The following SLC10A6 variants were observed in gnomAD, a reference collection of about 807,000 sequenced individuals.
The protein encoded by SLC10A6 is sodium-dependent organic anion transporter.
A neutral mutation model predicts 30.0 loss-of-function variants in SLC10A6; 27 were observed. The observed-to-expected ratio is 0.90, with a 90% CI of 0.66 to 1.24. SLC10A6 has a LOEUF of 1.24. Ranked by LOEUF, SLC10A6 falls within the 50% of genes most tolerant of loss-of-function variation. SLC10A6 has a pLI of 0.00. For missense variants in SLC10A6, 439 were observed against 457.0 expected (o/e 0.96, Z 0.36); for synonymous variants, 166 against 173.8 (o/e 0.95, Z 0.36).
chr4:86,841,956 T>A (rs1341898231), intron 1 of SLC10A6, among the ~76,000 whole-genome samples: 1 of 152,198 alleles, frequency 6.6e-6, no homozygotes, highest in Non-Finnish European at 1.5e-5. Context: ...CCAATAATAA[T>A]GAGTATTTAT....
intron 1 of SLC10A6, among the ~76,000 whole-genome samples, chr4:86,848,027 G>A (rs1746421651): frequency 6.6e-6 from 1 of 152,054 alleles, no homozygotes; most frequent in South Asian, 2.1e-4. Context: ...TGTAAATAAG[G>A]GACAAGGCTT....
At chr4:86,826,868 A>T (rs1348070508) in intron 4 of SLC10A6, among the ~76,000 whole-genome samples, 2 of 152,188 alleles carry the variant, frequency 1.3e-5, no homozygotes, top group Non-Finnish European at 2.9e-5. Context: ...TGTTTCAGAA[A>T]ACAAACAAGC....
At chr4:86,842,847 T>TTTCTTTCTTTCTTTCTTTCG (rs1746322984) in intron 1 of SLC10A6, among the ~76,000 whole-genome samples, 4 of 53,816 alleles carry the variant, frequency 7.4e-5, no homozygotes, top group African/African-American at 1.4e-4. Context: ...TCTTTCTTTC[T>TTTCTTTCTTTCTTTCTTTCG]TTCTTTCTTT....
chr4:86,831,905 A>G (rs1746087826), intron 2 of SLC10A6, 25 bp from the exon 3 acceptor site: 1 of 1,592,028 alleles, frequency 6.3e-7, no homozygotes, highest in South Asian at 1.1e-5. Flanking sequence ...AATCCATGAG[A>G]GGGTTTTCCC....
rs1278895537 is a variant in SLC10A6, at chr4:86,848,979, A to T, written c.137T>A (p.Met46Lys). The T allele has an allele frequency of 9.3e-6, 15 of 1,614,172 alleles. No homozygotes were observed. The highest frequency in any genetic ancestry group is 1.3e-5 in the Non-Finnish European group (15 of 1,180,032). ...CTCCACGGAACATCCCAAAGAGAAC[A>T]TGAGCAGCCCCATCATCACAGTGGA... ...VVSTVMMGLL[M>K]FSLGCSVEIR... is the part of the protein sequence containing the mutation. Residue 46 changes from methionine to lysine, a missense_variant, in exon 1 of 6, where the codon ATG (methionine) becomes AAG (lysine). By Grantham distance (95) the Met-to-Lys change is moderately conservative. Coordinates refer to ENST00000273905, the MANE Select transcript of SLC10A6 (RefSeq NM_197965.3).
chr4:86,845,099 A>T (rs557396115), intron 1 of SLC10A6, among the ~76,000 whole-genome samples: 1 of 152,270 alleles, frequency 6.6e-6, no homozygotes, highest in African/African-American at 2.4e-5. Flanking sequence ...TCTACATTTA[A>T]CCAACCCCAA....
At chr4:86,829,741 GT>G (rs771242691) in intron 3 of SLC10A6, among the ~76,000 whole-genome samples, 3,409 of 145,440 alleles carry the variant, frequency 0.023, 56 homozygotes, top group Non-Finnish European at 0.035. Context: ...CATTAGCCTA[GT>G]TTTTTTTTTT....
intron 1 of SLC10A6, among the ~76,000 whole-genome samples, chr4:86,846,649 C>G (rs1255322452): frequency 1.3e-5 from 2 of 152,124 alleles, no homozygotes; most frequent in African/African-American, 4.8e-5. Context: ...TCACTTGAAC[C>G]CAGGAGGTGG....
intron 1 of SLC10A6, among the ~76,000 whole-genome samples, chr4:86,837,327 A>AAGGG (rs1259167280): frequency 7.6e-6 from 1 of 131,712 alleles, no homozygotes; most frequent in African/African-American, 3.0e-5. Flanking sequence ...GGAAGGAAGG[A>AAGGG]AGGAAGGAAG....
chr4:86,842,846 CTTT>C lies in SLC10A6; in HGVS notation c.377+5890_377+5892del, dbSNP rs1560461865. ...TCTTTCTTTCTTTCTTTCTTTCTTT[CTTT>C]CTTTCTTTCTTTCTTTCTTTCTTTC... On this transcript the variant is annotated intron_variant, in intron 1 of 5. Coordinates refer to ENST00000273905, the MANE Select transcript of SLC10A6 (RefSeq NM_197965.3). Among the ~76,000 whole-genome samples the C allele has an allele frequency of 8.3e-4, 31 of 37,280 alleles. 1 individual carries two copies. The highest frequency in any genetic ancestry group is 4.7e-3 in the East Asian group (10 of 2,150). The allele number at this position is 37,280 out of a possible 152,430, so 24.5% of individuals were successfully genotyped here.
At chr4:86,834,049 C>T (rs1221022436) in intron 1 of SLC10A6, among the ~76,000 whole-genome samples, 1 of 152,118 alleles carries the variant, frequency 6.6e-6, no homozygotes, top group Non-Finnish European at 1.5e-5. Context: ...TTGTCCTCTC[C>T]AACTCTCATG....
At chr4:86,841,070 C>T (rs2149413263) in intron 1 of SLC10A6, among the ~76,000 whole-genome samples, 1 of 152,320 alleles carries the variant, frequency 6.6e-6, no homozygotes, top group African/African-American at 2.4e-5. Flanking sequence ...TTCCTTGACT[C>T]TCCATATTAC....
At chr4:86,844,710 C>T (rs570975565) in intron 1 of SLC10A6, among the ~76,000 whole-genome samples, 5 of 152,266 alleles carry the variant, frequency 3.3e-5, no homozygotes, top group African/African-American at 9.6e-5. Flanking sequence ...CTGCATTAGT[C>T]CATTTTCACA....
At chr4:86,824,085 G>A (rs1745933842) in intron 5 of SLC10A6, among the ~76,000 whole-genome samples, 183 bp from the exon 6 acceptor site, 1 of 152,204 alleles carries the variant, frequency 6.6e-6, no homozygotes, top group Non-Finnish European at 1.5e-5. Context: ...GTATCAGAAT[G>A]GCTCTTTTGT....
chr4:86,834,825 C>T (rs182372429), intron 1 of SLC10A6, among the ~76,000 whole-genome samples: 181 of 152,142 alleles, frequency 1.2e-3, no homozygotes, highest in African/African-American at 4.0e-3. Context: ...TCAGGAAGTT[C>T]GCAATCATGG....
intron 1 of SLC10A6, among the ~76,000 whole-genome samples, chr4:86,838,936 A>G (rs1746247093): frequency 7.0e-6 from 1 of 143,320 alleles, no homozygotes; most frequent in African/African-American, 2.6e-5. Flanking sequence ...AAAAAAAAAA[A>G]TTATGCTCTT....
chr4:86,849,252 G>T lies in SLC10A6; in HGVS notation c.-137C>A. 9.7e-7 allele frequency: 1 copy of T among 1,028,344 alleles called. No homozygotes were observed. 63.7% of individuals were successfully genotyped at this position (1,028,344 alleles called of 1,614,324 possible). On this transcript the variant is annotated 5_prime_UTR_variant, in exon 1 of 6. Transcript: ENST00000273905. The stretch of plus-strand genomic sequence containing the variant: ...TCCAATAACTGTTGGCCAGCAAGGT[G>T]ATTCATCCTAATCTGATCAATTTTT...
chr4:86,824,951 A>G (rs1208733198), intron 5 of SLC10A6, among the ~76,000 whole-genome samples: 1 of 152,256 alleles, frequency 6.6e-6, no homozygotes, highest in Non-Finnish European at 1.5e-5. Context: ...ATATTTGTAT[A>G]TGTGTAATAT....
Position 86,823,632 on chromosome 4 carries a change from A to G in SLC10A6, c.*56T>C, listed in dbSNP as rs918251023. The G allele has an allele frequency of 7.1e-7, 1 of 1,403,786 alleles. No individual in the cohort carries two copies. Among genetic ancestry groups the G allele is most frequent in the Non-Finnish European group, 9.7e-7 (1 of 1,033,924 alleles). The allele number at this position is 1,403,786 out of a possible 1,614,324, so 87.0% of individuals were successfully genotyped here. Reference sequence around the variant, plus strand: ...AACAAGATTCATGTGTCAGCTGCACACTGTCTTTACTGGCCACTGAAAAAG... The same window carrying G: ...AACAAGATTCATGTGTCAGCTGCACGCTGTCTTTACTGGCCACTGAAAAAG... On this transcript the variant is annotated 3_prime_UTR_variant, in exon 6 of 6. Transcript: ENST00000273905.
Sources: gnomAD v4.1 joint callset for allele counts (sites outside exome capture counted in the v4.1 genomes callset) on GRCh38, gnomAD v4.1.1 for gene constraint, MANE v1.5 for transcripts, NCBI Gene and HGNC (gene_info 2026-07-23, HGNC 2026-07-21) for gene names.